The following LUC7L variants were observed in gnomAD, a reference collection of about 807,000 sequenced individuals.
LUC7L encodes LUC7 like, also known as putative RNA-binding protein Luc7-like 1.
A neutral mutation model predicts 51.1 loss-of-function variants in LUC7L; 29 were observed. The observed-to-expected ratio is 0.57, with a 90% CI of 0.42 to 0.77. The LOEUF is 0.77. Among genes scored for constraint, LUC7L ranks in the 30% least tolerant of loss-of-function variants. The probability of loss-of-function intolerance (pLI) is 0.00; values close to 1 mark genes in which losing one functional copy is unlikely to be tolerated. For synonymous variants in LUC7L, 181 were observed against 180.7 expected (o/e 1.00, Z -0.01); for missense variants, 403 against 511.9 (o/e 0.79, Z 2.05).
Position 190,143 on chromosome 16 carries a change from A to G in LUC7L, c.807-8T>C. 1 of 1,607,664 alleles carries G rather than the reference A, an allele frequency of 6.2e-7. No homozygotes were observed. The highest frequency in any genetic ancestry group is 8.5e-7 in the Non-Finnish European group (1 of 1,178,592). On this transcript the variant is annotated splice_polypyrimidine_tract_variant and splice_region_variant and intron_variant, in intron 8 of 9. Coordinates refer to ENST00000293872, the MANE Select transcript of LUC7L (RefSeq NM_201412.3). ...CGATCCCGGGAGCGTGACCTGAACA[A>G]TCAGAAGGCTCCAAGGCTGAGACTC...
chr16:227,542 A>T, intron 1 of LUC7L: 3 of 1,398,598 alleles, frequency 2.1e-6, no homozygotes, highest in Non-Finnish European at 2.8e-6. Context: ...GGAGAATCAC[A>T]CTTAATGAGA....
At chr16:202,984 C>G (rs934749255) in intron 5 of LUC7L, among the ~76,000 whole-genome samples, 1 of 152,102 alleles carries the variant, frequency 6.6e-6, no homozygotes, top group Non-Finnish European at 1.5e-5. Context: ...CCCGTCTTCT[C>G]TACTAAAAAT....
At position 206,155 on chromosome 16, in the gene LUC7L, G is replaced by A. The variant is rs746424448; in HGVS notation, c.367-8C>T. ...CTCATGTACTTTTTCTGCCTGTGAG[G>A]AGAAAGAATGAGGTAAGCAGACATC... On this transcript the variant is annotated splice_region_variant and splice_polypyrimidine_tract_variant and intron_variant, in intron 4 of 9. Coordinates refer to ENST00000293872, the MANE Select transcript of LUC7L (RefSeq NM_201412.3). 2.5e-6 allele frequency: 4 copies of A among 1,611,444 alleles called. No homozygotes were observed. The highest frequency in any genetic ancestry group is 1.3e-5 in the African/African-American group (1 of 74,766).
chr16:189,236 A>AAGC lies in LUC7L; in HGVS notation c.1075_1077dup (p.Ala359dup). Reference sequence around the variant, plus strand: ...GCCTCCTTCTCTTCTGACCTCCGTGAAGCCATCTTCCCGTTGGAGCTCTCA... The same window carrying AAGC: ...GCCTCCTTCTCTTCTGACCTCCGTGAAGCAGCCATCTTCCCGTTGGAGCTCTCA... On this transcript the variant is annotated inframe_insertion, in exon 10 of 10. Transcript: ENST00000293872. 1.2e-6 allele frequency: 2 copies of AAGC among 1,614,030 alleles called. No homozygotes were observed. The highest frequency in any genetic ancestry group is 1.7e-6 in the Non-Finnish European group (2 of 1,179,992).
chr16:190,537 C>T lies in LUC7L; in HGVS notation c.806+4G>A. 1.2e-6 allele frequency: 2 copies of T among 1,613,806 alleles called. No individual in the cohort carries two copies. The highest frequency in any genetic ancestry group is 1.1e-5 in the South Asian group (1 of 91,070). ...AGAACATTTTAATGGACCTGGAAAC[C>T]TACCTCCTGCGATCTCTGGTTCTTG... On this transcript the variant is annotated splice_donor_region_variant and intron_variant, in intron 8 of 9. Coordinates refer to ENST00000293872, the MANE Select transcript of LUC7L (RefSeq NM_201412.3).
At chr16:202,110 A>C (rs1156891256) in intron 5 of LUC7L, among the ~76,000 whole-genome samples, 1 of 151,892 alleles carries the variant, frequency 6.6e-6, no homozygotes, top group East Asian at 1.9e-4. Context: ...AAACTCCTGG[A>C]CTCAAGCAAT....
At chr16:222,414 G>C (rs1428113513) in intron 2 of LUC7L, among the ~76,000 whole-genome samples, 1 of 151,810 alleles carries the variant, frequency 6.6e-6, no homozygotes, top group Non-Finnish European at 1.5e-5. Context: ...AAGATGGGAG[G>C]ATCACTTGAG....
At chr16:209,976 C>T (rs1416481905) in intron 3 of LUC7L, among the ~76,000 whole-genome samples, 1 of 152,194 alleles carries the variant, frequency 6.6e-6, no homozygotes, top group Non-Finnish European at 1.5e-5. Flanking sequence ...GATATCACTC[C>T]ATAATTTTGG....
chr16:190,271 T>C (rs1407379568), intron 8 of LUC7L, 136 bp from the exon 9 acceptor site: 4 of 836,028 alleles, frequency 4.8e-6, no homozygotes, highest in Non-Finnish European at 7.5e-6. Context: ...TTAAAATATT[T>C]CCATCAGTTA....
At chr16:217,156 A>G (rs1850209646) in intron 3 of LUC7L, among the ~76,000 whole-genome samples, 1 of 152,064 alleles carries the variant, frequency 6.6e-6, no homozygotes, top group African/African-American at 2.4e-5. Context: ...AGTTGGGATT[A>G]GAGGACAGCA....
At chr16:224,388 G>A (rs772450187) in intron 2 of LUC7L, among the ~76,000 whole-genome samples, 6 of 151,752 alleles carry the variant, frequency 4.0e-5, no homozygotes, top group African/African-American at 1.2e-4. Flanking sequence ...GTGTGGTAGC[G>A]CACGTTTGTA....
chr16:215,070 AG>A (rs1334173288), intron 3 of LUC7L, among the ~76,000 whole-genome samples: 1 of 152,080 alleles, frequency 6.6e-6, no homozygotes, highest in Admixed American at 6.6e-5. Flanking sequence ...CTATCTCAAT[AG>A]TTGTATTACA....
chr16:206,257 A>G, intron 4 of LUC7L, 110 bp from the exon 5 acceptor site: 1 of 1,045,914 alleles, frequency 9.6e-7, no homozygotes, highest in South Asian at 1.4e-5. Flanking sequence ...TGGAAGAGCT[A>G]AAGATCCACA....
intron 5 of LUC7L, among the ~76,000 whole-genome samples, chr16:200,848 C>T (rs901271999): frequency 1.3e-5 from 2 of 152,068 alleles, no homozygotes; most frequent in Non-Finnish European, 2.9e-5. Flanking sequence ...CGCCACTGTA[C>T]TTCAGCCTGG....
At chr16:228,028 C>A in intron 1 of LUC7L, 1 of 1,120,822 alleles carries the variant, frequency 8.9e-7, no homozygotes, top group Non-Finnish European at 1.1e-6. Flanking sequence ...AATTTTATGC[C>A]CGCTGTTGAA....
chr16:196,435 A>C (rs961362746), intron 6 of LUC7L, among the ~76,000 whole-genome samples: 3 of 149,922 alleles, frequency 2.0e-5, no homozygotes, highest in African/African-American at 7.6e-5. Flanking sequence ...AACAAAAAAA[A>C]CCCAACAACT....
Position 229,293 on chromosome 16 carries a change from C to T in LUC7L, c.47G>A (p.Gly16Asp). 1 of 1,541,152 alleles carries T rather than the reference C, an allele frequency of 6.5e-7. No individual in the cohort carries two copies. The highest frequency in any genetic ancestry group is 8.7e-7 in the Non-Finnish European group (1 of 1,151,084). The change falls in exon 1 of 10, where the codon GGC becomes GAC. Residue 16 changes from glycine to aspartate, a missense_variant. Around this residue, in one of 3 missense-constraint regions of LUC7L, gnomAD observed 182 missense variants for 248.4 expected, o/e 0.73. Transcript: ENST00000293872. ...CTCTGACTCACCGTCCCGAGCCGTGCCCATGAGCTGGTCCAGCAGGGCCCG... is the reference window on the plus strand; with the variant it reads ...CTCTGACTCACCGTCCCGAGCCGTGTCCATGAGCTGGTCCAGCAGGGCCCG... Reference protein sequence around the residue: ...QMRALLDQLMGTARDGDETRQ... With the variant: ...QMRALLDQLMDTARDGDETRQ...
chr16:206,254 G>T, intron 4 of LUC7L, 107 bp from the exon 5 acceptor site: 1 of 1,096,810 alleles, frequency 9.1e-7, no homozygotes, highest in Non-Finnish European at 1.3e-6. Flanking sequence ...AAGTGGAAGA[G>T]CTAAAGATCC....
At chr16:197,328 T>C (rs1167591913) in intron 6 of LUC7L, among the ~76,000 whole-genome samples, 1 of 149,124 alleles carries the variant, frequency 6.7e-6, no homozygotes, top group African/African-American at 2.5e-5. Context: ...TTATCCTGCC[T>C]CAGCCTCCCG....
Sources: allele counts gnomAD v4.1 joint callset (sites outside exome capture counted in the v4.1 genomes callset), GRCh38; gene constraint gnomAD v4.1.1; regional missense constraint gnomAD v4.1.1; transcripts MANE v1.5; gene names NCBI Gene and HGNC (gene_info 2026-07-23, HGNC 2026-07-21).